NCOR2: variants seen among roughly 807,000 people sequenced by gnomAD.
NCOR2 encodes CTG repeat protein 26.
In NCOR2, 81 loss-of-function variants were observed where a neutral mutation model predicts 262.9. The ratio of observed to expected loss-of-function variants is 0.31; its 90% CI spans 0.26 to 0.37. The LOEUF (loss-of-function observed/expected upper bound fraction) is 0.37, where lower values mean the gene tolerates loss of function less well. Ranked by LOEUF, NCOR2 falls within the 10% of genes least tolerant of loss-of-function variation. The pLI is 1.00. For synonymous variants in NCOR2, 1,659 were observed against 1,559.3 expected, an observed-to-expected ratio of 1.06 and a Z score of -1.51; for missense variants, 3,385 against 3,621.4, an observed-to-expected ratio of 0.93 and a Z score of 1.68.
chr12:124,499,697 G>A (rs980472576), upstream of NCOR2, among the ~76,000 whole-genome samples: 3 of 152,192 alleles, frequency 2.0e-5, no homozygotes, highest in Non-Finnish European at 2.9e-5. Flanking sequence ...TGAATATGGG[G>A]GGAAGTGGGG....
chr12:124,567,127 C>G (rs2052271973), intron 1 of NCOR2, among the ~76,000 whole-genome samples, 181 bp downstream of exon 1: 1 of 152,044 alleles, frequency 6.6e-6, no homozygotes, highest in African/African-American at 2.4e-5. Context: ...CCCGAGCACG[C>G]GGGCCGCAGT....
chr12:124,402,920 T>C (rs1593386038), intron 13 of NCOR2, among the ~76,000 whole-genome samples: 1 of 151,960 alleles, frequency 6.6e-6, no homozygotes. Context: ...ACAATGGGGG[T>C]ATTCAGCATG....
chr12:124,429,256 G>T, intron 10 of NCOR2: 1 of 284,412 alleles, frequency 3.5e-6, no homozygotes, highest in East Asian at 8.5e-5. Flanking sequence ...TTGGGCTTCT[G>T]GCTGGACTCA....
chr12:124,336,025 C>A (rs2035852097), intron 38 of NCOR2: 1 of 201,568 alleles, frequency 5.0e-6, no homozygotes, highest in Non-Finnish European at 1.0e-5. Context: ...GACCCTGGGT[C>A]CCCGGGGCCC....
At chr12:124,534,576 C>T (rs1486244533) in intron 1 of NCOR2, among the ~76,000 whole-genome samples, 7 of 152,194 alleles carry the variant, frequency 4.6e-5, no homozygotes, top group Non-Finnish European at 7.3e-5. Context: ...TGAAATCTCC[C>T]GACAACAGCC....
intron 1 of NCOR2, among the ~76,000 whole-genome samples, chr12:124,502,356 G>T (rs1593859260): frequency 6.6e-6 from 1 of 152,240 alleles, no homozygotes; most frequent in African/African-American, 2.4e-5. Context: ...TCGTGAAGCT[G>T]CCATTCCAGC....
chr12:124,496,891 G>A (rs992991799), upstream of NCOR2, among the ~76,000 whole-genome samples: 1 of 152,256 alleles, frequency 6.6e-6, no homozygotes, highest in African/African-American at 2.4e-5. The surrounding 1 kb of genome is among the most constrained non-coding windows in gnomAD (Gnocchi z 4.4). Flanking sequence ...CCAGGAGAAA[G>A]GTGCTCTCTG....
intron 7 of NCOR2, among the ~76,000 whole-genome samples, chr12:124,442,661 G>A (rs2044883063): frequency 2.6e-5 from 4 of 152,136 alleles, no homozygotes; most frequent in African/African-American, 9.7e-5. Flanking sequence ...TTGACTTTGG[G>A]GTTTGCAGGT....
chr12:124,532,177 T>A (rs2050828931), intron 1 of NCOR2, among the ~76,000 whole-genome samples: 1 of 152,096 alleles, frequency 6.6e-6, no homozygotes, highest in Non-Finnish European at 1.5e-5. Context: ...AGTGCACGCA[T>A]AGCGAGTGTC....
chr12:124,375,454 T>C (rs2039916130), intron 18 of NCOR2, among the ~76,000 whole-genome samples: 1 of 152,162 alleles, frequency 6.6e-6, no homozygotes, highest in Non-Finnish European at 1.5e-5. Context: ...ATTCAGTACG[T>C]GTGGACTGGG....
At chr12:124,385,397 G>A (rs143053495) in intron 17 of NCOR2, among the ~76,000 whole-genome samples, 4 of 152,166 alleles carry the variant, frequency 2.6e-5, no homozygotes, top group African/African-American at 2.4e-5. Context: ...CTGACAGCCC[G>A]AATTCCTGGC....
chr12:124,338,193 G>A (rs934446228), intron 37 of NCOR2, among the ~76,000 whole-genome samples: 1 of 152,200 alleles, frequency 6.6e-6, no homozygotes, highest in African/African-American at 2.4e-5. Flanking sequence ...AATTCATTTT[G>A]GAGGAGTAAG....
intron 20 of NCOR2, among the ~76,000 whole-genome samples, chr12:124,366,492 A>AATAT (rs1167453481): frequency 6.6e-6 from 1 of 152,068 alleles, no homozygotes; most frequent in Non-Finnish European, 1.5e-5. Flanking sequence ...TATAACACTG[A>AATAT]ATATACTAAG....
chr12:124,532,809 C>T (rs188873581), intron 1 of NCOR2, among the ~76,000 whole-genome samples: 19 of 152,186 alleles, frequency 1.2e-4, no homozygotes, highest in Non-Finnish European at 2.4e-4. Flanking sequence ...CCCCATGAGC[C>T]TAGGCAGAAA....
intron 30 of NCOR2, chr12:124,347,451 G>GGAC: frequency 4.3e-6 from 1 of 232,800 alleles, no homozygotes; most frequent in East Asian, 9.2e-5. Flanking sequence ...GCTGTGCCAT[G>GGAC]GACCAGCCGC....
intron 37 of NCOR2, among the ~76,000 whole-genome samples, chr12:124,338,713 C>T (rs915416162): frequency 1.3e-5 from 2 of 151,984 alleles, no homozygotes; most frequent in Non-Finnish European, 2.9e-5. Flanking sequence ...TGTGGGGGAC[C>T]GGGAAAGTCT....
chr12:124,490,368 TG>T (rs1411533523), intron 1 of NCOR2, among the ~76,000 whole-genome samples: 2 of 151,968 alleles, frequency 1.3e-5, no homozygotes, highest in Non-Finnish European at 2.9e-5. Context: ...TGCAAGGGCC[TG>T]GAAGAGGACG....
At position 124,403,323 on chromosome 12, in the gene NCOR2, T is replaced by C. The variant is rs544591429; in HGVS notation, c.1483-762A>G. 2.2e-3 allele frequency among the ~76,000 whole-genome samples: 331 copies of C among 152,182 alleles called. 1 individual carries two copies. The highest frequency in any genetic ancestry group is 7.6e-3 in the African/African-American group (316 of 41,524). ...GAACAAGCCCATTTTACAGAGCAGATCAGAGAGGCTGGGAGCCAAGCCAGC... is the reference window on the plus strand; with the variant it reads ...GAACAAGCCCATTTTACAGAGCAGACCAGAGAGGCTGGGAGCCAAGCCAGC... On this transcript the variant is annotated intron_variant, in intron 13 of 46. Coordinates refer to ENST00000405201, the Ensembl canonical transcript of NCOR2.
chr12:124,507,828 G>T (rs770839255), intron 1 of NCOR2, among the ~76,000 whole-genome samples: 12 of 152,204 alleles, frequency 7.9e-5, no homozygotes, highest in Admixed American at 1.3e-4. Flanking sequence ...TGTGAAGGCG[G>T]CCTCCGCAAG....
Sources: gnomAD v4.1 joint callset for allele counts (sites outside exome capture counted in the v4.1 genomes callset) on GRCh38, gnomAD v4.1.1 for gene constraint, Gnocchi (gnomAD v3.1) non-coding constraint, MANE v1.5 for transcripts, NCBI Gene and HGNC (gene_info 2026-07-23, HGNC 2026-07-21) for gene names.